RAD51B: variants seen among roughly 807,000 people sequenced by gnomAD.
RAD51B encodes RAD51 paralog B.
In RAD51B, 38 loss-of-function variants were observed where a neutral mutation model predicts 42.2. That is an observed-to-expected ratio of 0.90 (90% CI 0.70 to 1.18). RAD51B has a LOEUF of 1.18. Among genes scored for constraint, RAD51B ranks in the 50% most tolerant of loss-of-function variants. The pLI is 0.00. For missense variants in RAD51B, 373 were observed against 400.7 expected (o/e 0.93, Z 0.59); for synonymous variants, 154 against 145.2 (o/e 1.06, Z -0.43).
At chr14:67,895,149 T>C (rs887158590) in intron 7 of RAD51B, among the ~76,000 whole-genome samples, 6 of 152,232 alleles carry the variant, frequency 3.9e-5, no homozygotes, top group African/African-American at 1.2e-4. Context: ...ATAAAGCACA[T>C]GCATAATTCT....
At position 67,864,865 on chromosome 14, in the gene RAD51B, A is replaced by T. The variant is rs2042272970; in HGVS notation, c.316-138A>T. On this transcript the variant is annotated intron_variant, in intron 4 of 10. Transcript: ENST00000471583. The stretch of plus-strand genomic sequence containing the variant: ...TCCATACAATGGATGTCTTGGGCTT[A>T]ATTCTCTCCTGGGAACCCAGGTTAG... 3.1e-6 allele frequency: 4 copies of T among 1,310,862 alleles called. No homozygotes were observed. The African/African-American group carries it at 4.4e-5, about 14-fold the overall frequency. 81.2% of individuals were successfully genotyped at this position (1,310,862 alleles called of 1,614,324 possible).
At chr14:68,077,492 G>A (rs749954085) in intron 7 of RAD51B, among the ~76,000 whole-genome samples, 11 of 152,138 alleles carry the variant, frequency 7.2e-5, no homozygotes, top group Non-Finnish European at 1.3e-4. Flanking sequence ...TTCAAGTTGA[G>A]TATTAAAGAT....
intron 10 of RAD51B, among the ~76,000 whole-genome samples, chr14:68,641,647 A>G (rs937903577): frequency 1.3e-5 from 2 of 150,344 alleles, no homozygotes; most frequent in Non-Finnish European, 3.0e-5. Context: ...AGAATTTTTT[A>G]TCATGAATGG....
intron 7 of RAD51B, among the ~76,000 whole-genome samples, chr14:68,120,811 G>A (rs1048052679): frequency 6.6e-6 from 1 of 152,036 alleles, no homozygotes; most frequent in Non-Finnish European, 1.5e-5. Flanking sequence ...AGTTCATTAA[G>A]GATTGGCAAC....
At position 67,846,117 on chromosome 14, in the gene RAD51B, A is replaced by G. The variant is rs561013649; in HGVS notation, c.315+10921A>G. Among the ~76,000 whole-genome samples the G allele has an allele frequency of 8.6e-4, 131 of 152,226 alleles. 1 individual carries two copies. The highest frequency in any genetic ancestry group is 3.1e-3 in the African/African-American group (127 of 41,538). On this transcript the variant is annotated intron_variant, in intron 4 of 10. Transcript: ENST00000471583. The stretch of plus-strand genomic sequence containing the variant: ...GTGGGATCTGTGCTTGTTCACATGT[A>G]CCAACAGCAGCTGCGTTATGGTGGG...
intron 5 of RAD51B, among the ~76,000 whole-genome samples, chr14:67,870,643 GCACCA>G (rs1489539660): frequency 1.0e-5 from 1 of 99,114 alleles, no homozygotes; most frequent in Non-Finnish European, 2.0e-5. Context: ...ATTTTTTTCA[GCACCA>G]CACCACACCT....
intron 8 of RAD51B, among the ~76,000 whole-genome samples, chr14:68,396,157 C>A (rs2083915170): frequency 6.6e-6 from 1 of 152,186 alleles, no homozygotes; most frequent in East Asian, 1.9e-4. Context: ...ATACAGATAT[C>A]AGTAAGGTTT....
At chr14:68,110,014 G>A (rs2077436175) in intron 7 of RAD51B, among the ~76,000 whole-genome samples, 2 of 152,004 alleles carry the variant, frequency 1.3e-5, no homozygotes, top group South Asian at 4.2e-4. Flanking sequence ...ATGATGAGAT[G>A]TAAGTACTGT....
At chr14:68,426,003 C>CTTTCTTT (rs2084834371) in intron 9 of RAD51B, among the ~76,000 whole-genome samples, 2 of 130,030 alleles carry the variant, frequency 1.5e-5, no homozygotes, top group African/African-American at 7.3e-5. Context: ...TTCCTTCCTT[C>CTTTCTTT]CTTCCTTTCT....
chr14:68,570,903 A>G (rs1889670156), intron 10 of RAD51B, among the ~76,000 whole-genome samples: 1 of 149,982 alleles, frequency 6.7e-6, no homozygotes, highest in African/African-American at 2.4e-5. Context: ...ACACATGCAC[A>G]CACACACACA....
rs567715556 is a variant in RAD51B, at chr14:68,656,457, C to A, written c.*11+5601C>A. 1.3e-3 allele frequency among the ~76,000 whole-genome samples: 199 copies of A among 152,310 alleles called. 1 individual carries two copies. Among genetic ancestry groups the A allele is most frequent in the African/African-American group, 4.5e-3 (189 of 41,564 alleles). On this transcript the variant is annotated intron_variant, in intron 11 of 11. Transcript: ENST00000488612. ...TAACTGAGGACTGAGGCCTAACATG[C>A]AGGAGCCTGTATCAGAACAGGGAGG...
intron 7 of RAD51B, among the ~76,000 whole-genome samples, chr14:68,018,929 G>A (rs1352670957): frequency 6.6e-6 from 1 of 152,030 alleles, no homozygotes; most frequent in Admixed American, 6.6e-5. Context: ...GGCCTCAGAC[G>A]CATCTCTGAA....
chr14:68,245,669 G>A (rs750794006), intron 7 of RAD51B, among the ~76,000 whole-genome samples: 4 of 152,206 alleles, frequency 2.6e-5, no homozygotes, highest in African/African-American at 7.2e-5. Context: ...CCTAAAAGGC[G>A]AATTCCTGCT....
chr14:68,652,469 G>A (rs1595047798), intron 11 of RAD51B, among the ~76,000 whole-genome samples: 2 of 152,308 alleles, frequency 1.3e-5, no homozygotes, highest in African/African-American at 2.4e-5. Flanking sequence ...TGTGGGAAAG[G>A]GATCCCGTCT....
At chr14:67,967,450 G>A (rs754639627) in intron 7 of RAD51B, among the ~76,000 whole-genome samples, 6 of 152,128 alleles carry the variant, frequency 3.9e-5, no homozygotes, top group South Asian at 2.1e-4. Context: ...AGTCCCTTTC[G>A]TCTGTGAGAC....
intron 7 of RAD51B, among the ~76,000 whole-genome samples, chr14:67,995,257 C>T (rs1389435795): frequency 2.0e-5 from 3 of 151,828 alleles, no homozygotes; most frequent in African/African-American, 4.8e-5. Context: ...GTGGTTGGCA[C>T]GCACCTGTAG....
At chr14:68,038,232 G>A (rs1309645284) in intron 7 of RAD51B, among the ~76,000 whole-genome samples, 3 of 152,122 alleles carry the variant, frequency 2.0e-5, no homozygotes, top group Non-Finnish European at 2.9e-5. Flanking sequence ...AGTTGGTATC[G>A]GCATGTAATG....
intron 7 of RAD51B, among the ~76,000 whole-genome samples, chr14:68,103,842 A>G (rs1181287023): frequency 6.6e-6 from 1 of 152,218 alleles, no homozygotes. Flanking sequence ...AAGGTGTTCT[A>G]TGGATGAGAA....
chr14:68,681,264 A>G (rs1436931942), intron 11 of RAD51B, among the ~76,000 whole-genome samples: 2 of 152,200 alleles, frequency 1.3e-5, no homozygotes, highest in South Asian at 2.1e-4. Flanking sequence ...AGGGTTTATC[A>G]GAGGGTTTGG....
Sources: gnomAD v4.1 joint callset for allele counts (sites outside exome capture counted in the v4.1 genomes callset) on GRCh38, gnomAD v4.1.1 for gene constraint, MANE v1.5 for transcripts, NCBI Gene and HGNC (gene_info 2026-07-23, HGNC 2026-07-21) for gene names.